The following PACRG variants were observed in gnomAD, a reference collection of about 807,000 sequenced individuals.
PACRG encodes parkin coregulated, also known as parkin coregulated gene protein.
A neutral mutation model predicts 29.7 loss-of-function variants in PACRG; 29 were observed. That is an observed-to-expected ratio of 0.98 (90% confidence interval 0.73 to 1.33). The LOEUF (loss-of-function observed/expected upper bound fraction) is 1.33. Ranked by LOEUF, PACRG falls within the 40% of genes most tolerant of loss-of-function variation. The probability of loss-of-function intolerance (pLI) is 0.00; values close to 1 mark genes in which losing one functional copy is unlikely to be tolerated. For missense variants in PACRG, 279 were observed against 316.2 expected (o/e 0.88, Z 0.89); for synonymous variants, 116 against 118.7 (o/e 0.98, Z 0.15).
At chr6:163,202,092 G>A (rs1279621889) in intron 4 of PACRG, among the ~76,000 whole-genome samples, 3 of 152,212 alleles carry the variant, frequency 2.0e-5, no homozygotes, top group African/African-American at 7.2e-5. Context: ...TGGGGCAGCA[G>A]GAGGGCAGCA....
At chr6:162,851,213 T>G (rs1562662857) in intron 2 of PACRG, among the ~76,000 whole-genome samples, 1 of 151,736 alleles carries the variant, frequency 6.6e-6, no homozygotes, top group Non-Finnish European at 1.5e-5. Flanking sequence ...CACAGGGAGG[T>G]CCACTTAATA....
At chr6:163,269,971 G>C (rs59083183) in intron 4 of PACRG, among the ~76,000 whole-genome samples, 3,784 of 61,026 alleles carry the variant, frequency 0.062, 638 homozygotes, top group Middle Eastern at 0.14. Context: ...AAGAAAGAAA[G>C]AAAGAAAGAA....
At chr6:163,089,535 A>C (rs1420804531) in intron 4 of PACRG, 127 bp downstream of exon 4, 5 of 1,161,860 alleles carry the variant, frequency 4.3e-6, no homozygotes, top group Non-Finnish European at 6.0e-6. Flanking sequence ...TTGGAGATCT[A>C]AATAGCATAT....
At chr6:162,882,707 T>C (rs1427702981) in intron 2 of PACRG, among the ~76,000 whole-genome samples, 1 of 152,130 alleles carries the variant, frequency 6.6e-6, no homozygotes, top group Non-Finnish European at 1.5e-5. Context: ...TCCAGGGCCT[T>C]GTCCAGGTCA....
intron 2 of PACRG, among the ~76,000 whole-genome samples, chr6:163,035,268 T>G (rs1808057954): frequency 6.6e-6 from 1 of 152,178 alleles, no homozygotes; most frequent in Non-Finnish European, 1.5e-5. Flanking sequence ...AACTCAGCAC[T>G]TTGGGCGGCT....
intron 2 of PACRG, among the ~76,000 whole-genome samples, chr6:162,947,619 T>TATAATC (rs1554313377): frequency 1.5e-3 from 72 of 47,300 alleles, no homozygotes; most frequent in South Asian, 2.6e-3. Flanking sequence ...ATCATATATA[T>TATAATC]ATATATATAT....
chr6:163,244,313 GTGTGAGCTTCATCGAGGATC>G (rs1397532917), intron 4 of PACRG, among the ~76,000 whole-genome samples: 1 of 151,758 alleles, frequency 6.6e-6, no homozygotes, highest in Admixed American at 6.6e-5. Context: ...ACGTGTTTCC[GTGTGAGCTTCATCGAGGATC>G]TGTGCTTGAA....
chr6:163,167,529 C>T (rs1778868751), intron 4 of PACRG, among the ~76,000 whole-genome samples: 1 of 152,112 alleles, frequency 6.6e-6, no homozygotes, highest in African/African-American at 2.4e-5. Context: ...ATGTTGAGCT[C>T]CTTCTAGTTG....
chr6:163,055,437 C>T lies in PACRG; in HGVS notation c.292-6713C>T, dbSNP rs1440896512. Among the ~76,000 whole-genome samples, 4 of 151,828 alleles carry T rather than the reference C, an allele frequency of 2.6e-5. No homozygotes were observed. Among genetic ancestry groups the T allele is most frequent in the Non-Finnish European group, 4.4e-5 (3 of 67,978 alleles). Reference sequence around the variant, plus strand: ...ACGCAAACAAGCGCCTGAGGATAAACGTAATATAAGAGGGATTACCAAAGC... The same window carrying T: ...ACGCAAACAAGCGCCTGAGGATAAATGTAATATAAGAGGGATTACCAAAGC... On this transcript the variant is annotated intron_variant, in intron 2 of 4. Transcript: ENST00000366888. The surrounding 1 kb of genome is among the most constrained non-coding windows in gnomAD (Gnocchi z 4.0).
At chr6:163,259,012 T>C (rs1783222191) in intron 4 of PACRG, among the ~76,000 whole-genome samples, 1 of 152,174 alleles carries the variant, frequency 6.6e-6, no homozygotes, top group South Asian at 2.1e-4. Context: ...TTGTGTCAGA[T>C]TTTGCAGTTC....
At chr6:162,819,305 C>T (rs1787631309) in intron 2 of PACRG, among the ~76,000 whole-genome samples, 1 of 152,040 alleles carries the variant, frequency 6.6e-6, no homozygotes, top group Non-Finnish European at 1.5e-5. Flanking sequence ...GTAATTTTAC[C>T]TGTTGATTAA....
chr6:162,765,362 C>A (rs1200518155), intron 1 of PACRG, among the ~76,000 whole-genome samples: 5 of 152,138 alleles, frequency 3.3e-5, no homozygotes, highest in Admixed American at 2.6e-4. Flanking sequence ...GTACCCAGTA[C>A]TATTTTCCAG....
chr6:162,944,630 A>G (rs940168091), intron 2 of PACRG, among the ~76,000 whole-genome samples: 3 of 152,192 alleles, frequency 2.0e-5, no homozygotes, highest in African/African-American at 7.2e-5. Context: ...AGATATTATA[A>G]AAAGCATCAA....
chr6:163,312,587 C>A (rs1785468581), intron 4 of PACRG, among the ~76,000 whole-genome samples: 1 of 152,138 alleles, frequency 6.6e-6, no homozygotes, highest in Non-Finnish European at 1.5e-5. Flanking sequence ...CTCCGAACAC[C>A]ATGTCAATCT....
At chr6:163,166,154 A>G in intron 4 of PACRG, 1 of 456,260 alleles carries the variant, frequency 2.2e-6, no homozygotes, top group South Asian at 1.5e-5. Context: ...TGCGCCCGGC[A>G]CATGTGAAAG....
At chr6:162,940,400 C>G (rs961910180) in intron 2 of PACRG, among the ~76,000 whole-genome samples, 1 of 152,088 alleles carries the variant, frequency 6.6e-6, no homozygotes, top group South Asian at 2.1e-4. Flanking sequence ...CCCTCTCTCT[C>G]TCTCTCCTGC....
At chr6:163,086,151 T>C in intron 3 of PACRG, among the ~76,000 whole-genome samples, 1 of 151,498 alleles carries the variant, frequency 6.6e-6, no homozygotes, top group East Asian at 1.9e-4. Flanking sequence ...TTAGAACATT[T>C]CTGGCCTGCC....
In PACRG at chr6:162,814,289, A is replaced by T. The variant is rs757727029; in HGVS notation, c.291+8A>T. 1 of 1,613,278 alleles carries T rather than the reference A, an allele frequency of 6.2e-7. No homozygotes were observed. On this transcript the variant is annotated splice_region_variant and intron_variant, in intron 2 of 4. Transcript: ENST00000366888. Reference sequence around the variant, plus strand: ...AACAAAATCGCCTGGAAGGTAAGTCAGGGCACAGCTGTGCCGGCCAGCTGC... The same window carrying T: ...AACAAAATCGCCTGGAAGGTAAGTCTGGGCACAGCTGTGCCGGCCAGCTGC...
intron 4 of PACRG, among the ~76,000 whole-genome samples, chr6:163,185,747 A>G (rs797008148): frequency 9.9e-5 from 15 of 152,254 alleles, no homozygotes; most frequent in African/African-American, 3.6e-4. Flanking sequence ...TTGAAGGCCA[A>G]AATTAAATGC....
Sources: allele counts gnomAD v4.1 joint callset (sites outside exome capture counted in the v4.1 genomes callset), GRCh38; gene constraint gnomAD v4.1.1; non-coding constraint Gnocchi (gnomAD v3.1); transcripts MANE v1.5; gene names NCBI Gene and HGNC (gene_info 2026-07-23, HGNC 2026-07-21).